Variants in PDE1A observed in about 807,000 individuals in gnomAD.
PDE1A encodes the protein phosphodiesterase 1A.
PDE1A carries 35 observed loss-of-function variants against 61.7 expected under a neutral mutation model. That is an observed-to-expected ratio of 0.57 (90% CI 0.43 to 0.75). PDE1A has a LOEUF of 0.75. Among genes scored for constraint, PDE1A ranks in the 30% least tolerant of loss-of-function variants. The pLI, the probability that PDE1A is intolerant of heterozygous loss-of-function variation, is 0.00. For missense variants in PDE1A, 597 were observed against 630.6 expected, an observed-to-expected ratio of 0.95 and a Z score of 0.57; for synonymous variants, 232 against 213.2, an observed-to-expected ratio of 1.09 and a Z score of -0.77.
chr2:182,493,601 T>C (rs978842922), intron 2 of PDE1A, among the ~76,000 whole-genome samples: 1 of 152,200 alleles, frequency 6.6e-6, no homozygotes, highest in African/African-American at 2.4e-5. Flanking sequence ...TTATAAATCA[T>C]GCTGCTATAA....
the PDE1A span, among the ~76,000 whole-genome samples, chr2:182,677,021 C>T: frequency 6.6e-6 from 1 of 152,164 alleles, no homozygotes; most frequent in Non-Finnish European, 1.5e-5. Flanking sequence ...AGGATGCTCT[C>T]TCACCACTCC....
the PDE1A span, among the ~76,000 whole-genome samples, chr2:182,561,347 T>C: frequency 2.0e-5 from 3 of 152,208 alleles, no homozygotes; most frequent in East Asian, 1.9e-4. Context: ...CTCAGGTTTG[T>C]CAAAGATCAG....
the PDE1A span, among the ~76,000 whole-genome samples, chr2:182,669,707 A>G: frequency 6.6e-6 from 1 of 152,206 alleles, no homozygotes; most frequent in East Asian, 1.9e-4. Context: ...CTGCCTTATC[A>G]TAGGTGGTTC....
rs143425564 is a variant in PDE1A at position 182,257,931 on chromosome 2, G to A, written c.167+6370C>T. ...GCCTGTAATCCCAGCACTTTGGGGG[G>A]CCGAGGCGGGCAGATCACGAGGTCA... On this transcript the variant is annotated intron_variant, in intron 2 of 13. Coordinates refer to ENST00000351439, the Ensembl canonical transcript of PDE1A. Among the ~76,000 whole-genome samples, 1,350 of 152,232 alleles carry A rather than the reference G, an allele frequency of 8.9e-3. 22 individuals carry two copies. The highest frequency in any genetic ancestry group is 0.084 in the East Asian group (434 of 5,158).
At chr2:182,560,871 G>A in the PDE1A span, among the ~76,000 whole-genome samples, 3 of 152,136 alleles carry the variant, frequency 2.0e-5, no homozygotes, top group Non-Finnish European at 4.4e-5. Flanking sequence ...TCTGAGAAGT[G>A]TCTGTTCATG....
chr2:182,476,088 T>C (rs372107975), intron 2 of PDE1A, among the ~76,000 whole-genome samples: 3 of 151,962 alleles, frequency 2.0e-5, no homozygotes, highest in African/African-American at 7.2e-5. Context: ...TTTAAAAGGG[T>C]TATTTTTATA....
chr2:182,204,324 C>T (rs1574680644), intron 8 of PDE1A, among the ~76,000 whole-genome samples: 1 of 152,188 alleles, frequency 6.6e-6, no homozygotes, highest in African/African-American at 2.4e-5. Context: ...AATTATTTCA[C>T]AGTTAGATCC....
intron 2 of PDE1A, among the ~76,000 whole-genome samples, chr2:182,505,623 C>T (rs952602773): frequency 8.6e-5 from 13 of 151,434 alleles, no homozygotes; most frequent in South Asian, 2.1e-4. Flanking sequence ...ATATCCACCC[C>T]ACATGCCCAT....
intron 1 of PDE1A, among the ~76,000 whole-genome samples, chr2:182,414,986 G>A (rs1261713869): frequency 2.6e-5 from 4 of 152,080 alleles, no homozygotes. Context: ...TTAGACTGGA[G>A]TCGGAAAGTA....
chr2:182,168,591 A>C (rs1278938038), intron 13 of PDE1A, among the ~76,000 whole-genome samples: 1 of 152,056 alleles, frequency 6.6e-6, no homozygotes, highest in African/African-American at 2.4e-5. Context: ...ATGGAGTCCA[A>C]CTCTAGTTGT....
the PDE1A span, among the ~76,000 whole-genome samples, chr2:182,661,456 T>C: frequency 6.6e-6 from 1 of 152,188 alleles, no homozygotes; most frequent in African/African-American, 2.4e-5. Flanking sequence ...AACCACTGAT[T>C]ACAAGCAAAG....
chr2:182,285,715 G>T (rs1694112841), intron 1 of PDE1A, among the ~76,000 whole-genome samples: 1 of 152,078 alleles, frequency 6.6e-6, no homozygotes, highest in Non-Finnish European at 1.5e-5. Flanking sequence ...ACCCACCATA[G>T]TAAGAACATA....
chr2:182,657,391 T>A, the PDE1A span, among the ~76,000 whole-genome samples: 1 of 152,194 alleles, frequency 6.6e-6, no homozygotes, highest in African/African-American at 2.4e-5. Context: ...ATTACAAATA[T>A]AAATCTCCAG....
chr2:182,609,875 G>C, the PDE1A span, among the ~76,000 whole-genome samples: 2 of 152,272 alleles, frequency 1.3e-5, no homozygotes, highest in South Asian at 2.1e-4. Flanking sequence ...ATCATCTGTG[G>C]TCAGGAGTTC....
At chr2:182,623,555 G>A in the PDE1A span, among the ~76,000 whole-genome samples, 2 of 152,302 alleles carry the variant, frequency 1.3e-5, no homozygotes, top group East Asian at 3.9e-4. Context: ...TTAGTGAAGG[G>A]ACACTAGTGA....
intron 1 of PDE1A, among the ~76,000 whole-genome samples, chr2:182,408,112 AATC>A (rs1214491073): frequency 6.6e-6 from 1 of 151,740 alleles, no homozygotes; most frequent in Non-Finnish European, 1.5e-5. Context: ...ACACATAGCT[AATC>A]ACTGGTGTAA....
At chr2:182,635,124 GA>G in the PDE1A span, among the ~76,000 whole-genome samples, 87,606 of 145,630 alleles carry the variant, frequency 0.6, 25,924 homozygotes, top group Admixed American at 0.7. Context: ...ATTGTAAATG[GA>G]AAAAAAAAAA....
At chr2:182,376,107 G>A (rs1574487043) in intron 1 of PDE1A, among the ~76,000 whole-genome samples, 1 of 152,238 alleles carries the variant, frequency 6.6e-6, no homozygotes, top group East Asian at 1.9e-4. Context: ...GTGTCCTGAA[G>A]ACATTTTCCC....
chr2:182,304,716 A>G (rs1342944871), intron 1 of PDE1A, among the ~76,000 whole-genome samples: 1 of 152,202 alleles, frequency 6.6e-6, no homozygotes, highest in East Asian at 1.9e-4. Flanking sequence ...TGGAGCAGCC[A>G]GAACACACAC....
Sources: gnomAD v4.1 joint callset for allele counts (sites outside exome capture counted in the v4.1 genomes callset) on GRCh38, gnomAD v4.1.1 for gene constraint, MANE v1.5 for transcripts, NCBI Gene and HGNC (gene_info 2026-07-23, HGNC 2026-07-21) for gene names.